Variants in DDX60 observed in about 807,000 individuals in gnomAD.
DDX60 encodes probable ATP-dependent RNA helicase DDX60.
In DDX60, 165 loss-of-function variants were observed where a neutral mutation model predicts 212.8. That is an observed-to-expected ratio of 0.78 (90% CI 0.68 to 0.88). The LOEUF (loss-of-function observed/expected upper bound fraction) is 0.88, where lower values mean the gene tolerates loss of function less well. Among genes scored for constraint, DDX60 ranks in the 40% least tolerant of loss-of-function variants. The pLI, the probability that DDX60 is intolerant of heterozygous loss-of-function variation, is 0.00. For missense variants in DDX60, 1,905 were observed against 2,003.9 expected (o/e 0.95, Z 0.94); for synonymous variants, 703 against 685.3 (o/e 1.03, Z -0.40).
At chr4:168,269,137 A>AGTT (rs1734978952) in intron 19 of DDX60, among the ~76,000 whole-genome samples, 168 bp from the exon 20 acceptor site, 1 of 152,200 alleles carries the variant, frequency 6.6e-6, no homozygotes, top group South Asian at 2.1e-4. Context: ...ATGCACCAAC[A>AGTT]GTTCTGCTTT....
rs563115385 is a variant in DDX60 at position 168,305,595 on chromosome 4, T to C, written c.606+784A>G. Among the ~76,000 whole-genome samples, 3 of 149,098 alleles carry C rather than the reference T, an allele frequency of 2.0e-5. No individual in the cohort carries two copies. The South Asian group carries it at 6.3e-4, about 31-fold the overall frequency. ...ACCGTATTGTCTTATTTATAATTTA[T>C]TATGTAAATAAATTTATTATAATTT... On this transcript the variant is annotated intron_variant, in intron 5 of 37. Transcript: ENST00000393743.
Position 168,248,299 on chromosome 4 carries a change from A to G in DDX60, c.3859-7T>C. 6.3e-7 allele frequency: 1 copy of G among 1,575,328 alleles called. No individual in the cohort carries two copies. Among genetic ancestry groups the G allele is most frequent in the South Asian group, 1.2e-5 (1 of 85,264 alleles). On this transcript the variant is annotated splice_polypyrimidine_tract_variant and splice_region_variant and intron_variant, in intron 28 of 37. Coordinates refer to ENST00000393743, the MANE Select transcript of DDX60 (RefSeq NM_017631.6). Reference sequence around the variant, plus strand: ...TTCCAGTAGCTGTCACCACCTTGAAAGAGAATAAAACAATTACTTCATAAA... The same window carrying G: ...TTCCAGTAGCTGTCACCACCTTGAAGGAGAATAAAACAATTACTTCATAAA...
At chr4:168,295,815 C>T (rs2149538942) in intron 6 of DDX60, among the ~76,000 whole-genome samples, 2 of 152,248 alleles carry the variant, frequency 1.3e-5, no homozygotes, top group East Asian at 1.9e-4. Flanking sequence ...CAATGGAATA[C>T]TATTGAGCAT....
chr4:168,258,755 T>G (rs1734512500), intron 25 of DDX60, among the ~76,000 whole-genome samples: 1 of 152,180 alleles, frequency 6.6e-6, no homozygotes, highest in Non-Finnish European at 1.5e-5. Context: ...ATATTAACTA[T>G]TTTGAGTTGA....
upstream of DDX60, among the ~76,000 whole-genome samples, chr4:168,319,325 T>C (rs1737543687): frequency 6.6e-6 from 1 of 151,850 alleles, no homozygotes; most frequent in African/African-American, 2.4e-5. Flanking sequence ...CAAGATAAAA[T>C]CAAGAAGAGT....
intron 28 of DDX60, among the ~76,000 whole-genome samples, chr4:168,250,055 T>C (rs1734159968): frequency 6.6e-6 from 1 of 152,210 alleles, no homozygotes; most frequent in Admixed American, 6.5e-5. Flanking sequence ...AGCTCCTTCA[T>C]GAATTTATCC....
At chr4:168,289,076 T>C (rs1735980219) in intron 8 of DDX60, among the ~76,000 whole-genome samples, 1 of 152,206 alleles carries the variant, frequency 6.6e-6, no homozygotes, top group African/African-American at 2.4e-5. Flanking sequence ...AACTTGATCA[T>C]TCATTAGCTG....
Position 168,274,046 on chromosome 4 carries a change from G to T in DDX60, c.2342C>A (p.Ala781Glu). 1 of 1,614,178 alleles carries T rather than the reference G, an allele frequency of 6.2e-7. No homozygotes were observed. Among genetic ancestry groups the T allele is most frequent in the South Asian group, 1.1e-5 (1 of 91,086 alleles). Residue 781 changes from alanine to glutamate, a missense_variant, in exon 17 of 38, where the codon GCA becomes GAA. Physicochemically the swap from Ala to Glu is moderately radical, Grantham distance 107. Transcript: ENST00000393743. ...LLDVVDKNES[A>E]VIVAPTSSGK... ...TGAGGACGTTGGGGCAACAATCACT[G>T]CTGACTCATTCTTATCCACAACATC...
At chr4:168,262,197 T>A (rs753701207) in intron 23 of DDX60, 69 bp from the exon 24 acceptor site, 6 of 1,506,046 alleles carry the variant, frequency 4.0e-6, no homozygotes, top group Non-Finnish European at 5.3e-6. Flanking sequence ...CTCAATTATA[T>A]GCCTCATTAA....
intron 7 of DDX60, among the ~76,000 whole-genome samples, chr4:168,292,642 C>A (rs972199249): frequency 6.6e-6 from 1 of 152,178 alleles, no homozygotes; most frequent in Admixed American, 6.5e-5. Context: ...AGGGCGAGGA[C>A]ACCAGGATGG....
At chr4:168,293,340 A>G (rs1736189589) in intron 7 of DDX60, among the ~76,000 whole-genome samples, 1 of 152,350 alleles carries the variant, frequency 6.6e-6, no homozygotes, top group African/African-American at 2.4e-5. Context: ...CCGGAGTTCA[A>G]TCCACCTTGC....
chr4:168,280,521 C>T lies in DDX60; in HGVS notation c.1792G>A (p.Glu598Lys). 1 of 1,614,086 alleles carries T rather than the reference C, an allele frequency of 6.2e-7. No individual in the cohort carries two copies. ...AATGACAAAGCATTCCACTTTTGCT[C>T]TTCCTTTTGTTCTTCCCTGGCAAAT... is the stretch of plus-strand genomic sequence containing the variant. ...RLFAREEQKEEQKWNALSFSI... is the reference protein window; with the variant it reads ...RLFAREEQKEKQKWNALSFSI... Residue 598 changes from glutamate (E) to lysine (K), a missense_variant, in exon 14 of 38, where the codon GAG becomes AAG. Transcript: ENST00000393743.
At chr4:168,256,981 A>AGACTATGCCACATG (rs1344925393) in intron 25 of DDX60, among the ~76,000 whole-genome samples, 2 of 152,386 alleles carry the variant, frequency 1.3e-5, no homozygotes, top group Non-Finnish European at 2.9e-5. Flanking sequence ...CCACATGGCA[A>AGACTATGCCACATG]GAAATTTCAT....
At chr4:168,301,262 T>A (rs1736637004) in intron 6 of DDX60, among the ~76,000 whole-genome samples, 1 of 152,158 alleles carries the variant, frequency 6.6e-6, no homozygotes, top group African/African-American at 2.4e-5. Context: ...CTAGTTCAAT[T>A]TGCTGAAAAG....
chr4:168,307,746 A>G (rs113079248), intron 4 of DDX60, among the ~76,000 whole-genome samples: 16 of 152,280 alleles, frequency 1.1e-4, no homozygotes, highest in African/African-American at 3.8e-4. Flanking sequence ...CTGGGCCGCT[A>G]TTGAGGAGCT....
intron 33 of DDX60, chr4:168,236,011 A>G (rs1733618879): frequency 5.1e-6 from 2 of 391,208 alleles, no homozygotes; most frequent in Non-Finnish European, 9.0e-6. Context: ...CAATCAAATG[A>G]AAAACATGAA....
At chr4:168,281,540 G>A (rs1325669698) in intron 13 of DDX60, among the ~76,000 whole-genome samples, 1 of 152,212 alleles carries the variant, frequency 6.6e-6, no homozygotes, top group African/African-American at 2.4e-5. Context: ...AGGAAGAAGA[G>A]GAGTAGATAA....
rs113479289 is a variant in DDX60 at position 168,223,066 on chromosome 4, T to C, written c.4824+1177A>G. 3.9e-5 allele frequency among the ~76,000 whole-genome samples: 6 copies of C among 152,102 alleles called. No individual in the cohort carries two copies. The South Asian group carries it at 1.2e-3, about 32-fold the overall frequency. On this transcript the variant is annotated intron_variant, in intron 35 of 37. Coordinates refer to ENST00000393743, the MANE Select transcript of DDX60 (RefSeq NM_017631.6). Reference sequence around the variant, plus strand: ...TTCATAAAATTCAAAAGCAAATTAATATAAAAAGGGATTTTGTAATATGTA... The same window carrying C: ...TTCATAAAATTCAAAAGCAAATTAACATAAAAAGGGATTTTGTAATATGTA...
intron 10 of DDX60, among the ~76,000 whole-genome samples, chr4:168,285,922 A>G (rs1735815353): frequency 7.4e-6 from 1 of 135,228 alleles, no homozygotes; most frequent in Non-Finnish European, 1.6e-5. Flanking sequence ...GAAGGAAGGA[A>G]GGAAGGAAGG....
Sources: allele counts gnomAD v4.1 joint callset (sites outside exome capture counted in the v4.1 genomes callset), GRCh38; gene constraint gnomAD v4.1.1; transcripts MANE v1.5; gene names NCBI Gene and HGNC (gene_info 2026-07-23, HGNC 2026-07-21).